PLCB1: variants seen among roughly 807,000 people sequenced by gnomAD.
The protein encoded by PLCB1 is phospholipase C beta 1, also known as 1-phosphatidylinositol 4,5-bisphosphate phosphodiesterase beta-1.
PLCB1 carries 46 observed loss-of-function variants against 161.8 expected under a neutral mutation model. The ratio of observed to expected loss-of-function variants is 0.28; its 90% CI spans 0.22 to 0.36. The LOEUF (loss-of-function observed/expected upper bound fraction) is 0.36, where lower values mean the gene tolerates loss of function less well. PLCB1 is among the 10% of genes least tolerant of loss of function. The pLI is 1.00. For synonymous variants in PLCB1, 517 were observed against 503.7 expected, an observed-to-expected ratio of 1.03 and a Z score of -0.35; for missense variants, 1,016 against 1,472.5, an observed-to-expected ratio of 0.69 and a Z score of 5.07.
chr20:8,555,556 C>T (rs1259637875), intron 3 of PLCB1, among the ~76,000 whole-genome samples: 1 of 152,084 alleles, frequency 6.6e-6, no homozygotes, highest in Admixed American at 6.6e-5. Context: ...GGTCTTAAGT[C>T]TTCCCTGGAA....
intron 2 of PLCB1, among the ~76,000 whole-genome samples, chr20:8,312,187 C>G (rs776595719): frequency 1.1e-4 from 16 of 152,088 alleles, no homozygotes; most frequent in Non-Finnish European, 2.2e-4. Context: ...AGTTATCTAG[C>G]CAGGGTTGGT....
At chr20:8,208,145 C>A (rs1217799494) in intron 2 of PLCB1, among the ~76,000 whole-genome samples, 2 of 152,094 alleles carry the variant, frequency 1.3e-5, no homozygotes, top group East Asian at 3.9e-4. Context: ...CCGTAGATAA[C>A]TGTTTTGATT....
chr20:8,752,128 T>C (rs113192592), intron 23 of PLCB1: 1 of 152,176 alleles, frequency 6.6e-6, no homozygotes, highest in African/African-American at 2.4e-5. Flanking sequence ...GGGTAGTTCT[T>C]TGAGAATTAT....
At chr20:8,345,243 A>G (rs536479265) in intron 2 of PLCB1, among the ~76,000 whole-genome samples, 1 of 152,208 alleles carries the variant, frequency 6.6e-6, no homozygotes, top group South Asian at 2.1e-4. Context: ...CTTCAGTTTG[A>G]AACTTGGGTT....
chr20:8,498,256 C>T (rs1414447770), intron 3 of PLCB1, among the ~76,000 whole-genome samples: 1 of 152,124 alleles, frequency 6.6e-6, no homozygotes, highest in Non-Finnish European at 1.5e-5. Flanking sequence ...TGCCACCACG[C>T]CCGGGTAATT....
At chr20:8,454,976 A>G (rs189749824) in intron 3 of PLCB1, among the ~76,000 whole-genome samples, 6 of 150,400 alleles carry the variant, frequency 4.0e-5, no homozygotes, top group Admixed American at 1.3e-4. Flanking sequence ...GAATATAAGG[A>G]TGGATGAATG....
At chr20:8,567,767 A>G (rs2123041573) in intron 3 of PLCB1, among the ~76,000 whole-genome samples, 1 of 152,304 alleles carries the variant, frequency 6.6e-6, no homozygotes, top group East Asian at 1.9e-4. Context: ...CTTTAAAAAA[A>G]TCATTAGTAG....
At chr20:8,372,224 T>A (rs1476110927) in intron 3 of PLCB1, 1 of 152,208 alleles carries the variant, frequency 6.6e-6, no homozygotes, top group Admixed American at 6.5e-5. Flanking sequence ...GCTCAATGCG[T>A]CTTTCCATAC....
At chr20:8,696,500 G>A (rs1428094251) in intron 10 of PLCB1, among the ~76,000 whole-genome samples, 1 of 151,912 alleles carries the variant, frequency 6.6e-6, no homozygotes, top group East Asian at 1.9e-4. Context: ...ATTTCTATAT[G>A]AACTTTGGAT....
chr20:8,753,136 A>G (rs995329777), intron 23 of PLCB1, among the ~76,000 whole-genome samples: 2 of 151,772 alleles, frequency 1.3e-5, no homozygotes, highest in Non-Finnish European at 2.9e-5. Flanking sequence ...ACTGTTTCCC[A>G]TCACCCCCAA....
chr20:8,733,817 A>G (rs1480087713), intron 19 of PLCB1, among the ~76,000 whole-genome samples: 6 of 123,028 alleles, frequency 4.9e-5, no homozygotes, highest in Admixed American at 7.9e-5. Flanking sequence ...TAATAATAAT[A>G]ATAATAATAA....
intron 3 of PLCB1, among the ~76,000 whole-genome samples, chr20:8,406,730 T>C (rs987536214): frequency 6.6e-6 from 1 of 152,192 alleles, no homozygotes. Context: ...GCTGTTCAAA[T>C]TCTATTATTC....
rs1313431610 is a variant in PLCB1, at chr20:8,394,862, CT to C, written c.246+23415del. Among the ~76,000 whole-genome samples, 13 of 152,138 alleles carry C rather than the reference CT, an allele frequency of 8.5e-5. No homozygotes were observed. The East Asian group carries it at 2.3e-3, about 27-fold the overall frequency. Reference sequence around the variant, plus strand: ...GCAAAGTTTTCACTTTTAATGGTATCTTTAACAATATTTTTCAAAAGCTTTG... The same window carrying C: ...GCAAAGTTTTCACTTTTAATGGTATCTTAACAATATTTTTCAAAAGCTTTG... On this transcript the variant is annotated intron_variant, in intron 3 of 31. Coordinates refer to ENST00000338037, the MANE Select transcript of PLCB1 (RefSeq NM_015192.4).
At chr20:8,454,807 A>G (rs562622877) in intron 3 of PLCB1, among the ~76,000 whole-genome samples, 11 of 152,094 alleles carry the variant, frequency 7.2e-5, no homozygotes, top group African/African-American at 2.4e-4. Flanking sequence ...TCTTTTCTCT[A>G]TAGTATTTAT....
At chr20:8,441,366 G>T (rs925273711) in intron 3 of PLCB1, among the ~76,000 whole-genome samples, 4 of 152,150 alleles carry the variant, frequency 2.6e-5, no homozygotes, top group Non-Finnish European at 5.9e-5. Flanking sequence ...AATTTGGTAT[G>T]AATTTTCTAA....
At chr20:8,467,345 A>G (rs1981866338) in intron 3 of PLCB1, among the ~76,000 whole-genome samples, 3 of 152,204 alleles carry the variant, frequency 2.0e-5, no homozygotes, top group Admixed American at 2.0e-4. Context: ...ATCAGTTAAC[A>G]TGAATTTGAC....
chr20:8,722,315 G>A, intron 14 of PLCB1, 39 bp from the exon 15 acceptor site: 1 of 1,481,660 alleles, frequency 6.7e-7, no homozygotes. Flanking sequence ...GCTAAATGTT[G>A]AAATGGTGAC....
intron 2 of PLCB1, among the ~76,000 whole-genome samples, chr20:8,160,050 C>T (rs888495505): frequency 6.6e-6 from 1 of 151,374 alleles, no homozygotes; most frequent in Non-Finnish European, 1.5e-5. Context: ...TAAATCATCT[C>T]TCTCTAGTTC....
chr20:8,412,088 A>G (rs1979070369), intron 3 of PLCB1, among the ~76,000 whole-genome samples: 1 of 152,160 alleles, frequency 6.6e-6, no homozygotes, highest in Non-Finnish European at 1.5e-5. Flanking sequence ...TAAATAATAA[A>G]ATTATGGATC....
Sources: gnomAD v4.1 joint callset for allele counts (sites outside exome capture counted in the v4.1 genomes callset) on GRCh38, gnomAD v4.1.1 for gene constraint, MANE v1.5 for transcripts, NCBI Gene and HGNC (gene_info 2026-07-23, HGNC 2026-07-21) for gene names.